ATP5PB: variants seen among roughly 807,000 people sequenced by gnomAD.
ATP5PB encodes the protein ATP synthase peripheral stalk-membrane subunit b.
A neutral mutation model predicts 34.5 loss-of-function variants in ATP5PB; 21 were observed. The ratio of observed to expected loss-of-function variants is 0.61; its 90% CI spans 0.43 to 0.88. The LOEUF (loss-of-function observed/expected upper bound fraction) is 0.88. Ranked by LOEUF, ATP5PB falls within the 40% of genes least tolerant of loss-of-function variation. The pLI, the probability that ATP5PB is intolerant of heterozygous loss-of-function variation, is 0.00. For missense variants in ATP5PB, 293 were observed against 317.4 expected, an observed-to-expected ratio of 0.92 and a Z score of 0.58; for synonymous variants, 108 against 114.1, an observed-to-expected ratio of 0.95 and a Z score of 0.34.
chr1:111,455,162 T>G (rs943936555), intron 3 of ATP5PB, among the ~76,000 whole-genome samples: 4 of 152,204 alleles, frequency 2.6e-5, no homozygotes, highest in African/African-American at 9.7e-5. Context: ...TTGTTTTTTT[T>G]TTAGCCCTGG....
chr1:111,458,937 A>G (rs1055975317), intron 5 of ATP5PB, among the ~76,000 whole-genome samples: 1 of 152,220 alleles, frequency 6.6e-6, no homozygotes, highest in Non-Finnish European at 1.5e-5. Context: ...AATTGAATCT[A>G]AACACAAGAG....
In ATP5PB at chr1:111,454,467, TG is replaced by T. The variant is rs200464582; in HGVS notation, c.223+112del. On this transcript the variant is annotated intron_variant, in intron 3 of 6. Coordinates refer to ENST00000369722, the MANE Select transcript of ATP5PB (RefSeq NM_001688.5). ...TTGTTGTTGTTGTTGTTGTTGTTGT[TG>T]TTTTTTGAGACAGGGTATTACTCTA... 10,335 of 1,399,264 alleles carry T rather than the reference TG, an allele frequency of 7.4e-3. 480 individuals carry two copies. The African/African-American group carries it at 0.12, about 16-fold the overall frequency. 86.7% of individuals were successfully genotyped at this position (1,399,264 alleles called of 1,614,324 possible).
intron 4 of ATP5PB, 122 bp from the exon 5 acceptor site, chr1:111,456,508 C>G: frequency 1.5e-6 from 2 of 1,326,804 alleles, no homozygotes; most frequent in Non-Finnish European, 2.0e-6. Flanking sequence ...GCGTTTCTTT[C>G]TATGTTTCTT....
Position 111,462,706 on chromosome 1 carries a change from GTTAC to G in ATP5PB, c.*1716_*1719del, listed in dbSNP as rs965694021. ...ATATTGAAATCAGATTGATATCTTT[GTTAC>G]TTAAAGATAATTTGATTGGATCAGC... On this transcript the variant is annotated 3_prime_UTR_variant, in exon 7 of 7. Coordinates refer to ENST00000369722, the MANE Select transcript of ATP5PB (RefSeq NM_001688.5). The G allele has an allele frequency of 7.2e-5, 11 of 152,304 alleles. No homozygotes were observed. The highest frequency in any genetic ancestry group is 2.2e-4 in the African/African-American group (9 of 41,570). 9.4% of individuals were successfully genotyped at this position (152,304 alleles called of 1,614,324 possible).
At chr1:111,453,798 A>G (rs763176119) in intron 2 of ATP5PB, among the ~76,000 whole-genome samples, 4 of 152,196 alleles carry the variant, frequency 2.6e-5, no homozygotes, top group Non-Finnish European at 2.9e-5. Flanking sequence ...ATTATCTTCT[A>G]TTTCCATTTT....
chr1:111,460,836 C>A, intron 6 of ATP5PB, 81 bp from the exon 7 acceptor site: 1 of 1,262,844 alleles, frequency 7.9e-7, no homozygotes, highest in Non-Finnish European at 1.1e-6. Flanking sequence ...TAGGAGGTGT[C>A]TTTTAGAATA....
chr1:111,452,369 G>C (rs1369480843), intron 2 of ATP5PB, among the ~76,000 whole-genome samples: 2 of 149,286 alleles, frequency 1.3e-5, no homozygotes, highest in African/African-American at 5.0e-5. Context: ...GACCAGCCTG[G>C]CCAACATGGC....
chr1:111,451,469 A>T (rs1653332427), intron 2 of ATP5PB, among the ~76,000 whole-genome samples: 1 of 152,124 alleles, frequency 6.6e-6, no homozygotes, highest in Admixed American at 6.5e-5. Flanking sequence ...ATGGAGATAC[A>T]CACTCACCCT....
At position 111,459,893 on chromosome 1, in the gene ATP5PB, G is replaced by A. The variant is rs546866113; in HGVS notation, c.693+257G>A. Among the ~76,000 whole-genome samples, 7 of 152,204 alleles carry A rather than the reference G, an allele frequency of 4.6e-5. No individual in the cohort carries two copies. In the East Asian group the frequency reaches 7.7e-4, roughly 17 times the overall value. On this transcript the variant is annotated intron_variant, in intron 6 of 6. Coordinates refer to ENST00000369722, the MANE Select transcript of ATP5PB (RefSeq NM_001688.5). ...CTATAAAATAGACTGGGCTGGGCAC[G>A]GTGGCTCACACCTGTAATCCCAACA... is the stretch of plus-strand genomic sequence containing the variant.
chr1:111,461,160 C>G lies in ATP5PB; in HGVS notation c.*166C>G. 1.7e-6 allele frequency: 1 copy of G among 580,762 alleles called. No individual in the cohort carries two copies. The highest frequency in any genetic ancestry group is 3.1e-6 in the Non-Finnish European group (1 of 323,770). The allele number at this position is 580,762 out of a possible 1,614,324, so 36.0% of individuals were successfully genotyped here. ...GTGAGAGAACGAAATCTCTATCGGC[C>G]AGTCAGATGTTTCTCATCCTTCTTG... On this transcript the variant is annotated 3_prime_UTR_variant, in exon 7 of 7. Transcript: ENST00000369722.
Position 111,456,160 on chromosome 1 carries a change from T to G in ATP5PB, c.298T>G (p.Phe100Val). ...KEIYVISAET[F>V]TALSVLGVMV... ...AATATATGTGATTAGCGCAGAGACC[T>G]TCACTGCCCTATCAGTACTAGGTGT... The change falls in exon 4 of 7, where the codon TTC becomes GTC. Residue 100 changes from phenylalanine to valine, a missense_variant. Physicochemically the swap from Phe to Val is conservative, Grantham distance 50. Transcript: ENST00000369722. 6.2e-7 allele frequency: 1 copy of G among 1,612,608 alleles called. No individual in the cohort carries two copies. Among genetic ancestry groups the G allele is most frequent in the Non-Finnish European group, 8.5e-7 (1 of 1,178,996 alleles).
At position 111,456,772 on chromosome 1, in the gene ATP5PB, T is replaced by C. The variant is rs1424808232; in HGVS notation, c.513+17T>C. The C allele has an allele frequency of 6.3e-7, 1 of 1,583,812 alleles. No homozygotes were observed. Among genetic ancestry groups the C allele is most frequent in the Non-Finnish European group, 8.6e-7 (1 of 1,168,562 alleles). ...GTGCAAAGGGTAGGTTTCAGAAGTTTCTAGGAAGAATGAAGTTACTTGTTG... is the reference window on the plus strand; with the variant it reads ...GTGCAAAGGGTAGGTTTCAGAAGTTCCTAGGAAGAATGAAGTTACTTGTTG... On this transcript the variant is annotated intron_variant, in intron 5 of 6. Coordinates refer to ENST00000369722, the MANE Select transcript of ATP5PB (RefSeq NM_001688.5).
At chr1:111,454,594 C>T (rs919410389) in intron 3 of ATP5PB, among the ~76,000 whole-genome samples, 10 of 152,026 alleles carry the variant, frequency 6.6e-5, no homozygotes, top group East Asian at 5.8e-4. Flanking sequence ...TGGGACTTGG[C>T]GTGCACCCGG....
Position 111,462,390 on chromosome 1 carries a change from C to A in ATP5PB, c.*1396C>A, listed in dbSNP as rs983863042. The A allele has an allele frequency of 2.0e-5, 3 of 152,184 alleles. No individual in the cohort carries two copies. Among genetic ancestry groups the A allele is most frequent in the African/African-American group, 4.8e-5 (2 of 41,424 alleles). 9.4% of individuals were successfully genotyped at this position (152,184 alleles called of 1,614,324 possible). On this transcript the variant is annotated 3_prime_UTR_variant, in exon 7 of 7. Coordinates refer to ENST00000369722, the MANE Select transcript of ATP5PB (RefSeq NM_001688.5). ...TGGCACATTAAGGATGTATTTAATACTGTTCTTAAATGGTACACTTAAAAA... is the reference window on the plus strand; with the variant it reads ...TGGCACATTAAGGATGTATTTAATAATGTTCTTAAATGGTACACTTAAAAA...
rs184254201 is a variant in ATP5PB at position 111,458,512 on chromosome 1, G to T, written c.514-945G>T. ...GCAAATGCCCTAAACCTGGAAGTTT[G>T]CTTGATACAGTCAAGGAAAAGTAAG... On this transcript the variant is annotated intron_variant, in intron 5 of 6. Transcript: ENST00000369722. 2.6e-4 allele frequency among the ~76,000 whole-genome samples: 40 copies of T among 152,308 alleles called. 2 individuals carry two copies. The East Asian group carries it at 6.9e-3, about 26-fold the overall frequency.
Position 111,461,071 on chromosome 1 carries a change from C to G in ATP5PB, c.*77C>G. 1 of 1,351,526 alleles carries G rather than the reference C, an allele frequency of 7.4e-7. No homozygotes were observed. The highest frequency in any genetic ancestry group is 1.4e-5 in the African/African-American group (1 of 69,042). 83.7% of individuals were successfully genotyped at this position (1,351,526 alleles called of 1,614,324 possible). ...AACTAGTCTATTTGACAAAGTCTTT[C>G]TGTGTTGGTGTCTACTGAAGTTATA... On this transcript the variant is annotated 3_prime_UTR_variant, in exon 7 of 7. Transcript: ENST00000369722.
At position 111,454,465 on chromosome 1, in the gene ATP5PB, G is replaced by GT. The variant is rs545170350; in HGVS notation, c.223+111dup. On this transcript the variant is annotated intron_variant, in intron 3 of 6. Coordinates refer to ENST00000369722, the MANE Select transcript of ATP5PB (RefSeq NM_001688.5). The stretch of plus-strand genomic sequence containing the variant: ...TGTTGTTGTTGTTGTTGTTGTTGTT[G>GT]TTGTTTTTTGAGACAGGGTATTACT... The GT allele has an allele frequency of 3.9e-5, 54 of 1,377,592 alleles. No individual in the cohort carries two copies. In the African/African-American group the frequency reaches 9.5e-4, roughly 24 times the overall value. 85.3% of individuals were successfully genotyped at this position (1,377,592 alleles called of 1,614,324 possible). A position where few individuals can be genotyped will look rare whatever the true frequency, so the allele number is the denominator to read the frequency against.
At position 111,460,974 on chromosome 1, in the gene ATP5PB, C is replaced by T. The variant is rs765343628; in HGVS notation, c.751C>T (p.Gln251Ter). ...CCTAAAGCTGCTGGCAAAGAAGGCTCAAGCACAGCCAGTTATGTAAATGTA... is the reference window on the plus strand; with the variant it reads ...CCTAAAGCTGCTGGCAAAGAAGGCTTAAGCACAGCCAGTTATGTAAATGTA... ...ADLKLLAKKA[Q>*]AQPVM The change falls in exon 7 of 7, where the codon CAA becomes TAA. Residue 251 changes from glutamine to a stop codon, truncating the protein, a stop_gained. Coordinates refer to ENST00000369722, the MANE Select transcript of ATP5PB (RefSeq NM_001688.5). LOFTEE classifies it high-confidence loss of function. 1.2e-6 allele frequency: 2 copies of T among 1,612,634 alleles called. No individual in the cohort carries two copies. Among genetic ancestry groups the T allele is most frequent in the East Asian group, 2.2e-5 (1 of 44,862 alleles).
intron 2 of ATP5PB, 91 bp from the exon 3 acceptor site, chr1:111,454,120 A>G (rs1653404005): frequency 7.5e-7 from 1 of 1,334,096 alleles, no homozygotes; most frequent in Non-Finnish European, 9.8e-7. Context: ...TGCCTCAATT[A>G]TCAACCCTAT....
Sources: allele counts gnomAD v4.1 joint callset (sites outside exome capture counted in the v4.1 genomes callset), GRCh38; gene constraint gnomAD v4.1.1; transcripts MANE v1.5; gene names NCBI Gene and HGNC (gene_info 2026-07-23, HGNC 2026-07-21).